The following WIPF1 variants were observed in gnomAD, a reference collection of about 807,000 sequenced individuals.
WIPF1 encodes the protein WAS/WASL-interacting protein family member 1.
A neutral mutation model predicts 35.4 loss-of-function variants in WIPF1; 13 were observed. The ratio of observed to expected loss-of-function variants is 0.37; its 90% CI spans 0.24 to 0.58. The LOEUF (loss-of-function observed/expected upper bound fraction) is 0.58. Among genes scored for constraint, WIPF1 ranks in the 20% least tolerant of loss-of-function variants. WIPF1 has a pLI of 0.74. For synonymous variants in WIPF1, 267 were observed against 266.3 expected, an observed-to-expected ratio of 1.00 and a Z score of -0.02; for missense variants, 591 against 667.0, an observed-to-expected ratio of 0.89 and a Z score of 1.25.
At chr2:174,652,370 G>A (rs1180412948) in intron 1 of WIPF1, among the ~76,000 whole-genome samples, 2 of 152,134 alleles carry the variant, frequency 1.3e-5, no homozygotes, top group South Asian at 2.1e-4. Context: ...AAGTGTCTGC[G>A]ATTATATTTC....
At chr2:174,674,118 A>G (rs777518825) in intron 1 of WIPF1, among the ~76,000 whole-genome samples, 26 of 152,258 alleles carry the variant, frequency 1.7e-4, no homozygotes, top group Non-Finnish European at 2.4e-4. Context: ...TTTTATAATG[A>G]ACTCAGCAAC....
At chr2:174,595,109 A>AAAAAAAAAATATATATAT (rs1553529785) in intron 1 of WIPF1, among the ~76,000 whole-genome samples, 4 of 57,750 alleles carry the variant, frequency 6.9e-5, no homozygotes, top group East Asian at 4.8e-4. Context: ...AAAAAAAAAA[A>AAAAAAAAAATATATATAT]ATATATATAT....
rs565027982 is a variant in WIPF1, at chr2:174,571,263, A to T, written c.1129+413T>A. 4.3e-5 allele frequency: 17 copies of T among 392,012 alleles called. No individual in the cohort carries two copies. The East Asian group carries it at 9.0e-4, about 21-fold the overall frequency. 24.3% of individuals were successfully genotyped at this position (392,012 alleles called of 1,614,324 possible). ...ACAGGAGAAGTTCATTAGCTCTTGA[A>T]GAACTTCCCCTCTTGTTGGAATAAC... On this transcript the variant is annotated intron_variant, in intron 5 of 7. Coordinates refer to ENST00000679041, the MANE Select transcript of WIPF1 (RefSeq NM_001375834.1). This position sits in a 1 kb window ranked among gnomAD's most constrained non-coding sequence, Gnocchi z 4.6.
chr2:174,583,079 T>C (rs1016847799), intron 2 of WIPF1, among the ~76,000 whole-genome samples: 1 of 152,160 alleles, frequency 6.6e-6, no homozygotes, highest in African/African-American at 2.4e-5. Flanking sequence ...TACAAGCTGA[T>C]AGAAGGATAA....
At chr2:174,564,527 G>A (rs1559143949) in intron 7 of WIPF1, among the ~76,000 whole-genome samples, 2 of 152,196 alleles carry the variant, frequency 1.3e-5, no homozygotes, top group East Asian at 3.9e-4. Context: ...CAAGGAAGGT[G>A]CAATAGTGAG....
Position 174,568,141 on chromosome 2 carries a change from T to C in WIPF1, c.1130-68A>G, listed in dbSNP as rs878897138. On this transcript the variant is annotated intron_variant, in intron 5 of 7. Transcript: ENST00000679041. Reference sequence around the variant, plus strand: ...ATTCCATTACCGTGGTCACCATTGGTGTACAGCTGATGAGGACTTGCTGGA... The same window carrying C: ...ATTCCATTACCGTGGTCACCATTGGCGTACAGCTGATGAGGACTTGCTGGA... 4.4e-5 allele frequency: 66 copies of C among 1,509,942 alleles called. No homozygotes were observed. In the South Asian group the frequency reaches 7.3e-4, roughly 17 times the overall value. The allele number at this position is 1,509,942 out of a possible 1,614,324, so 93.5% of individuals were successfully genotyped here. A position where few individuals can be genotyped will look rare whatever the true frequency, so the allele number is the denominator to read the frequency against.
chr2:174,658,996 T>C (rs190624454), intron 1 of WIPF1, among the ~76,000 whole-genome samples: 2 of 152,212 alleles, frequency 1.3e-5, no homozygotes, highest in Admixed American at 1.3e-4. Context: ...AAAATGGAGA[T>C]AATATCTACT....
chr2:174,650,024 A>C (rs1559172423), intron 1 of WIPF1, among the ~76,000 whole-genome samples: 1 of 152,180 alleles, frequency 6.6e-6, no homozygotes, highest in Non-Finnish European at 1.5e-5. Context: ...CCAGTGTGTC[A>C]GTTCTCCTTA....
intron 1 of WIPF1, among the ~76,000 whole-genome samples, chr2:174,653,234 G>A (rs981208145): frequency 2.0e-5 from 3 of 152,186 alleles, no homozygotes; most frequent in African/African-American, 7.2e-5. Context: ...ACCACTCCAT[G>A]TTAGAATATG....
In WIPF1 at chr2:174,559,590, T is replaced by C. The variant is rs1684433255; in HGVS notation, c.*2957A>G. 1 of 152,184 alleles carries C rather than the reference T, an allele frequency of 6.6e-6. No individual in the cohort carries two copies. The highest frequency in any genetic ancestry group is 1.5e-5 in the Non-Finnish European group (1 of 68,016). 9.4% of individuals were successfully genotyped at this position (152,184 alleles called of 1,614,324 possible). On this transcript the variant is annotated 3_prime_UTR_variant, in exon 8 of 8. Transcript: ENST00000679041. ...GACACCATATCATTCTGCTTTTCTT[T>C]ATTGTCTGGCTAACTTACAAAGATG...
chr2:174,599,098 G>T (rs1205645796), upstream of WIPF1, among the ~76,000 whole-genome samples: 1 of 152,232 alleles, frequency 6.6e-6, no homozygotes, highest in East Asian at 1.9e-4. Context: ...GGCATGAAAA[G>T]AACGTATGTT....
intron 1 of WIPF1, among the ~76,000 whole-genome samples, chr2:174,651,360 T>A (rs141365437): frequency 1.2e-4 from 19 of 152,360 alleles, no homozygotes; most frequent in African/African-American, 4.6e-4. Flanking sequence ...AACAAAGTAC[T>A]TTTTTATGCA....
chr2:174,618,966 A>G (rs1686596602), intron 1 of WIPF1, among the ~76,000 whole-genome samples: 1 of 152,052 alleles, frequency 6.6e-6, no homozygotes, highest in Non-Finnish European at 1.5e-5. Context: ...ACACACACGC[A>G]CACAGAGTTT....
rs796164430 is a variant in WIPF1 at position 174,632,658 on chromosome 2, G to A, written c.-38-47047C>T. Among the ~76,000 whole-genome samples, 6 of 138,890 alleles carry A rather than the reference G, an allele frequency of 4.3e-5. No individual in the cohort carries two copies. The South Asian group carries it at 9.2e-4, about 21-fold the overall frequency. 91.1% of individuals were successfully genotyped at this position (138,890 alleles called of 152,430 possible). ...CAGAAGGCAGGGGTTGCAGTGAGCC[G>A]AGACGGTGCCACTGCACTTCAACCT... On this transcript the variant is annotated intron_variant, in intron 1 of 8. Transcript: ENST00000272746.
In WIPF1 at chr2:174,585,544, C is replaced by CGGGGG; in HGVS notation, c.25_29dup (p.Pro12ArgfsTer16). On this transcript the variant is annotated frameshift_variant, in exon 2 of 8. Transcript: ENST00000679041. LOFTEE classifies it high-confidence loss of function. ...TCACCAGTGCAAACGTCGGGGGCGG[C>CGGGGG]GGGGGTGCTGGAGGGGGAGGGACAG... The CGGGGG allele has an allele frequency of 3.2e-6, 1 of 313,332 alleles. No homozygotes were observed. Among genetic ancestry groups the CGGGGG allele is most frequent in the Non-Finnish European group, 5.2e-6 (1 of 192,908 alleles). 19.4% of individuals were successfully genotyped at this position (313,332 alleles called of 1,614,324 possible). A position where few individuals can be genotyped will look rare whatever the true frequency, so the allele number is the denominator to read the frequency against.
At position 174,571,870 on chromosome 2, in the gene WIPF1, G is replaced by A. The variant is rs1684860689; in HGVS notation, c.935C>T (p.Pro312Leu). 3 of 1,613,196 alleles carry A rather than the reference G, an allele frequency of 1.9e-6. No individual in the cohort carries two copies. The highest frequency in any genetic ancestry group is 2.5e-6 in the Non-Finnish European group (3 of 1,179,738). ...ASSQAPPPPP[P>L]PSRPGPPPLP... is the part of the protein sequence containing the mutation. ...AGGAGGCGGCCCGGGCCTGCTGGGAGGTGGCGGCGGAGGTGGGGCCTGTGA... is the reference window on the plus strand; with the variant it reads ...AGGAGGCGGCCCGGGCCTGCTGGGAAGTGGCGGCGGAGGTGGGGCCTGTGA... Residue 312 changes from proline to leucine, a missense_variant, in exon 5 of 8, where the codon CCT (proline) becomes CTT (leucine). By Grantham distance (98) the Pro-to-Leu change is moderately conservative (BLOSUM62 -3). Transcript: ENST00000679041. The surrounding 1 kb of genome is among the most constrained non-coding windows in gnomAD (Gnocchi z 4.6).
At chr2:174,682,878 G>C (rs1452820361) in exon 1 of WIPF1, 1 of 152,306 alleles carries the variant, frequency 6.6e-6, no homozygotes, top group East Asian at 1.9e-4. Context: ...GGCAGGAAAA[G>C]CGCTCAGCGC....
chr2:174,594,246 G>A (rs1352143893), intron 1 of WIPF1, among the ~76,000 whole-genome samples: 1 of 152,158 alleles, frequency 6.6e-6, no homozygotes, highest in African/African-American at 2.4e-5. Flanking sequence ...TTATTTTGGC[G>A]GGGAGTAGGA....
At chr2:174,580,320 G>GTGATTCTTGT in intron 3 of WIPF1, among the ~76,000 whole-genome samples, 1 of 152,152 alleles carries the variant, frequency 6.6e-6, no homozygotes. Context: ...AACATTCAAA[G>GTGATTCTTGT]GCCTTATCTA....
Sources: allele counts gnomAD v4.1 joint callset (sites outside exome capture counted in the v4.1 genomes callset), GRCh38; gene constraint gnomAD v4.1.1; non-coding constraint Gnocchi (gnomAD v3.1); transcripts MANE v1.5; gene names NCBI Gene and HGNC (gene_info 2026-07-23, HGNC 2026-07-21).